Variants in ST8SIA2 observed in about 807,000 individuals in gnomAD.
ST8SIA2 encodes alpha-2,8-sialyltransferase 8B.
In ST8SIA2, 22 loss-of-function variants were observed where a neutral mutation model predicts 37.6. The observed-to-expected ratio is 0.58, with a 90% CI of 0.42 to 0.83. ST8SIA2 has a LOEUF of 0.83. Ranked by LOEUF, ST8SIA2 falls within the 40% of genes least tolerant of loss-of-function variation. The pLI is 0.00. For synonymous variants in ST8SIA2, 205 were observed against 201.2 expected, an observed-to-expected ratio of 1.02 and a Z score of -0.16; for missense variants, 382 against 484.7, an observed-to-expected ratio of 0.79 and a Z score of 1.99.
intron 1 of ST8SIA2, among the ~76,000 whole-genome samples, chr15:92,396,657 C>T (rs566921317): frequency 1.3e-5 from 2 of 152,006 alleles, no homozygotes; most frequent in Non-Finnish European, 2.9e-5. Flanking sequence ...CCACACCAGG[C>T]TAATTTTTGT....
At chr15:92,449,151 C>A (rs556973488) in intron 5 of ST8SIA2, among the ~76,000 whole-genome samples, 5 of 152,134 alleles carry the variant, frequency 3.3e-5, no homozygotes, top group Non-Finnish European at 5.9e-5. Flanking sequence ...GTTTTTCAAC[C>A]CTTTCCCCAT....
At chr15:92,404,102 G>A (rs1324196920) in intron 1 of ST8SIA2, among the ~76,000 whole-genome samples, 1 of 152,202 alleles carries the variant, frequency 6.6e-6, no homozygotes, top group Admixed American at 6.5e-5. Flanking sequence ...TGCCAGAATG[G>A]CTCACTTAGG....
rs1278707992 is a variant in ST8SIA2 at position 92,465,835 on chromosome 15, G to A, written c.*1450G>A. 2 of 152,126 alleles carry A rather than the reference G, an allele frequency of 1.3e-5. No individual in the cohort carries two copies. Among genetic ancestry groups the A allele is most frequent in the Admixed American group, 6.6e-5 (1 of 15,262 alleles). The allele number at this position is 152,126 out of a possible 1,614,324, so 9.4% of individuals were successfully genotyped here. On this transcript the variant is annotated 3_prime_UTR_variant, in exon 6 of 6. Transcript: ENST00000268164. ...TAATCTCCCAGGGAAATCTGGGCTC[G>A]AGGCCTACAACTTAGGGGCTGGAAT...
intron 5 of ST8SIA2, among the ~76,000 whole-genome samples, chr15:92,463,523 G>A (rs955139310): frequency 6.6e-6 from 1 of 152,148 alleles, no homozygotes; most frequent in African/African-American, 2.4e-5. Context: ...GGGACGCCCT[G>A]TGGGACTCTT....
At chr15:92,446,311 G>A (rs1228923344) in intron 5 of ST8SIA2, among the ~76,000 whole-genome samples, 4 of 152,192 alleles carry the variant, frequency 2.6e-5, no homozygotes, top group Non-Finnish European at 4.4e-5. Context: ...GGTCAGACGT[G>A]TACATGGTGG....
In ST8SIA2 at chr15:92,434,484, C is replaced by T. The variant is rs2049740827; in HGVS notation, c.290+109C>T. ...AGTCAGGATAGAAATAAAATGTTTA[C>T]CTCCCACTGAGGCAGGTTTCATCTG... On this transcript the variant is annotated intron_variant, in intron 3 of 5. Coordinates refer to ENST00000268164, the MANE Select transcript of ST8SIA2 (RefSeq NM_006011.4). 6 of 1,504,632 alleles carry T rather than the reference C, an allele frequency of 4.0e-6. No individual in the cohort carries two copies. In the South Asian group the frequency reaches 4.6e-5, roughly 12 times the overall value. 93.2% of individuals were successfully genotyped at this position (1,504,632 alleles called of 1,614,324 possible).
In ST8SIA2 at chr15:92,430,063, G is replaced by T; in HGVS notation, c.113G>T (p.Arg38Ile). ...IEEEIGNSGG[R>I]GTIRSAVNSL... Reference sequence around the variant, plus strand: ...TTGTCTTGCAGGAATTCGGGAGGCAGAGGTACAATCAGATCAGCTGTGAAC... The same window carrying T: ...TTGTCTTGCAGGAATTCGGGAGGCATAGGTACAATCAGATCAGCTGTGAAC... The change falls in exon 2 of 6, where the codon AGA (arginine) becomes ATA (isoleucine). Residue 38 changes from arginine (R) to isoleucine (I), a missense_variant. Coordinates refer to ENST00000268164, the MANE Select transcript of ST8SIA2 (RefSeq NM_006011.4). 6.2e-7 allele frequency: 1 copy of T among 1,614,210 alleles called. No homozygotes were observed. Among genetic ancestry groups the T allele is most frequent in the Non-Finnish European group, 8.5e-7 (1 of 1,180,032 alleles).
intron 4 of ST8SIA2, among the ~76,000 whole-genome samples, chr15:92,440,850 G>A (rs984480788): frequency 6.6e-6 from 1 of 152,146 alleles, no homozygotes; most frequent in Non-Finnish European, 1.5e-5. Flanking sequence ...TAAATGAGAC[G>A]GCATATGTGA....
At chr15:92,440,986 C>T (rs769522327) in intron 4 of ST8SIA2, among the ~76,000 whole-genome samples, 1 of 152,246 alleles carries the variant, frequency 6.6e-6, no homozygotes, top group Non-Finnish European at 1.5e-5. Flanking sequence ...TGGCTGTGTC[C>T]ATCTCTGGGC....
chr15:92,420,438 C>T (rs2049624859), intron 1 of ST8SIA2, among the ~76,000 whole-genome samples: 1 of 152,132 alleles, frequency 6.6e-6, no homozygotes, highest in African/African-American at 2.4e-5. Flanking sequence ...CTCTAAGTAC[C>T]TTTATGTAAA....
chr15:92,441,335 G>A (rs2049800168), intron 4 of ST8SIA2, among the ~76,000 whole-genome samples: 1 of 152,206 alleles, frequency 6.6e-6, no homozygotes, highest in African/African-American at 2.4e-5. Flanking sequence ...AGTAAAAGTG[G>A]TGAGGAGGAG....
chr15:92,397,202 G>A (rs1456498071), intron 1 of ST8SIA2, among the ~76,000 whole-genome samples: 2 of 152,184 alleles, frequency 1.3e-5, no homozygotes, highest in African/African-American at 4.8e-5. Flanking sequence ...AGTGAAAGAA[G>A]AAAGTGAATT....
chr15:92,399,135 T>A (rs1213489883), intron 1 of ST8SIA2, among the ~76,000 whole-genome samples: 2 of 152,166 alleles, frequency 1.3e-5, no homozygotes, highest in African/African-American at 4.8e-5. Context: ...GGGGCTAAAG[T>A]GACAGGAGGA....
At chr15:92,411,233 C>T (rs1189541466) in intron 1 of ST8SIA2, among the ~76,000 whole-genome samples, 3 of 152,186 alleles carry the variant, frequency 2.0e-5, no homozygotes, top group African/African-American at 7.2e-5. Flanking sequence ...CCCACAAAAG[C>T]TTAAGAGGAG....
chr15:92,451,918 G>A (rs1294682977), intron 5 of ST8SIA2, among the ~76,000 whole-genome samples: 3 of 152,176 alleles, frequency 2.0e-5, no homozygotes, highest in Non-Finnish European at 4.4e-5. Flanking sequence ...TGGCACCCTA[G>A]AGAATCATGT....
At chr15:92,410,933 A>C (rs547443435) in intron 1 of ST8SIA2, among the ~76,000 whole-genome samples, 1 of 152,322 alleles carries the variant, frequency 6.6e-6, no homozygotes, top group South Asian at 2.1e-4. Flanking sequence ...GCCAGGACCA[A>C]GAAAGTTTCC....
chr15:92,451,093 C>T (rs749201895), intron 5 of ST8SIA2, among the ~76,000 whole-genome samples: 12 of 152,166 alleles, frequency 7.9e-5, no homozygotes, highest in Non-Finnish European at 1.6e-4. Context: ...CATCTTGTTA[C>T]CTTCATTTTG....
At chr15:92,422,246 G>C (rs1352411124) in intron 1 of ST8SIA2, 3 of 152,218 alleles carry the variant, frequency 2.0e-5, no homozygotes, top group Non-Finnish European at 4.4e-5. Flanking sequence ...TTACAGTTCA[G>C]GAAATATGAC....
intron 1 of ST8SIA2, among the ~76,000 whole-genome samples, chr15:92,400,572 G>A (rs1380086419): frequency 6.6e-6 from 1 of 152,142 alleles, no homozygotes; most frequent in African/African-American, 2.4e-5. Flanking sequence ...GAATGTTTGG[G>A]GCCAATGGAA....
Sources: allele counts gnomAD v4.1 joint callset (sites outside exome capture counted in the v4.1 genomes callset), GRCh38; gene constraint gnomAD v4.1.1; transcripts MANE v1.5; gene names NCBI Gene and HGNC (gene_info 2026-07-23, HGNC 2026-07-21).